FHOD3: variants seen among roughly 807,000 people sequenced by gnomAD.
The protein encoded by FHOD3 is FH1/FH2 domain-containing protein 3.
In FHOD3, 90 loss-of-function variants were observed where a neutral mutation model predicts 173.0. The ratio of observed to expected loss-of-function variants is 0.52; its 90% CI spans 0.44 to 0.62. The LOEUF (loss-of-function observed/expected upper bound fraction) is 0.62, where lower values mean the gene tolerates loss of function less well. Among genes scored for constraint, FHOD3 ranks in the 20% least tolerant of loss-of-function variants. The probability of loss-of-function intolerance (pLI) is 0.00; values close to 1 mark genes in which losing one functional copy is unlikely to be tolerated. For synonymous variants in FHOD3, 828 were observed against 823.0 expected, an observed-to-expected ratio of 1.01 and a Z score of -0.10; for missense variants, 1,945 against 2,034.7, an observed-to-expected ratio of 0.96 and a Z score of 0.85.
intron 20 of FHOD3, among the ~76,000 whole-genome samples, chr18:36,734,184 C>G (rs541495543): frequency 2.0e-5 from 3 of 152,170 alleles, no homozygotes; most frequent in Non-Finnish European, 4.4e-5. Context: ...TTTATTGCAT[C>G]GTGAGTCCTC....
At chr18:36,494,799 A>G (rs1409763035) in intron 3 of FHOD3, among the ~76,000 whole-genome samples, 1 of 152,136 alleles carries the variant, frequency 6.6e-6, no homozygotes, top group African/African-American at 2.4e-5. Flanking sequence ...TAATGACTCC[A>G]GTTTGATCTC....
chr18:36,484,768 C>T (rs1042749048), intron 3 of FHOD3, among the ~76,000 whole-genome samples: 5 of 152,116 alleles, frequency 3.3e-5, no homozygotes, highest in African/African-American at 1.2e-4. Context: ...GTGGTGAAGG[C>T]TGGGGCCCTG....
At chr18:36,705,132 T>C (rs1455453927) in intron 17 of FHOD3, among the ~76,000 whole-genome samples, 2 of 152,084 alleles carry the variant, frequency 1.3e-5, no homozygotes, top group Non-Finnish European at 2.9e-5. Flanking sequence ...AGGGCTCACC[T>C]CAGACAAAAT....
chr18:36,647,751 G>A (rs2035789136), intron 10 of FHOD3, among the ~76,000 whole-genome samples: 1 of 152,242 alleles, frequency 6.6e-6, no homozygotes, highest in Non-Finnish European at 1.5e-5. Context: ...AAGAAGGAAT[G>A]ATCTTCAAGT....
chr18:36,357,747 T>G (rs755327396), intron 2 of FHOD3, among the ~76,000 whole-genome samples: 42 of 152,218 alleles, frequency 2.8e-4, no homozygotes, highest in Non-Finnish European at 4.6e-4. Context: ...ATAGTCTAAT[T>G]GGATGACTTC....
At chr18:36,462,849 A>G (rs750354849) in intron 3 of FHOD3, among the ~76,000 whole-genome samples, 1 of 151,622 alleles carries the variant, frequency 6.6e-6, no homozygotes, top group Non-Finnish European at 1.5e-5. Context: ...TTAATCTTGA[A>G]CTCCTGGCTC....
intron 5 of FHOD3, among the ~76,000 whole-genome samples, chr18:36,525,415 C>T (rs966526964): frequency 1.3e-5 from 2 of 152,176 alleles, no homozygotes; most frequent in Non-Finnish European, 2.9e-5. Context: ...CCACAACTGA[C>T]ACCTTGATTG....
chr18:36,546,492 A>G (rs1189491388), intron 5 of FHOD3, among the ~76,000 whole-genome samples: 1 of 152,196 alleles, frequency 6.6e-6, no homozygotes, highest in African/African-American at 2.4e-5. Context: ...TTAGCGGCAT[A>G]TTAATTTTTC....
chr18:36,372,807 A>G lies in FHOD3; in HGVS notation c.337+63A>G. The G allele has an allele frequency of 2.1e-6, 3 of 1,401,168 alleles. No individual in the cohort carries two copies. In the South Asian group the frequency reaches 3.6e-5, roughly 17 times the overall value. 86.8% of individuals were successfully genotyped at this position (1,401,168 alleles called of 1,614,324 possible). A position where few individuals can be genotyped will look rare whatever the true frequency, so the allele number is the denominator to read the frequency against. The stretch of plus-strand genomic sequence containing the variant: ...GAAAGACGCGACTTATGGGAATAAA[A>G]TAAAGATTCACTGTTATGCTGTCTG... On this transcript the variant is annotated intron_variant, in intron 3 of 28. Transcript: ENST00000590592.
intron 2 of FHOD3, among the ~76,000 whole-genome samples, chr18:36,369,019 G>A (rs960321267): frequency 1.3e-5 from 2 of 152,110 alleles, no homozygotes; most frequent in African/African-American, 4.8e-5. Flanking sequence ...TCTGTAAAAA[G>A]TACTTAGAAC....
Position 36,297,957 on chromosome 18 carries a change from C to T in FHOD3, c.122C>T (p.Thr41Ile). Residue 41 changes from threonine to isoleucine, a missense_variant, in exon 1 of 29, where the codon ACC becomes ATC. Transcript: ENST00000590592. ...TTCCGCGAGGACCTCGCGCTCGGCA[C>T]CCAGCTGGCGGGGGTCCATAGGCTG... Reference protein sequence around the residue: ...FTFREDLALGTQLAGVHRLLQ... With the variant: ...FTFREDLALGIQLAGVHRLLQ... 2 of 1,566,396 alleles carry T rather than the reference C, an allele frequency of 1.3e-6. No individual in the cohort carries two copies. Among genetic ancestry groups the T allele is most frequent in the Non-Finnish European group, 1.7e-6 (2 of 1,157,500 alleles).
At chr18:36,311,375 G>C (rs1248771022) in intron 1 of FHOD3, among the ~76,000 whole-genome samples, 1 of 152,136 alleles carries the variant, frequency 6.6e-6, no homozygotes, top group Non-Finnish European at 1.5e-5. Flanking sequence ...CTTGATGTCA[G>C]ATTCTGCTGG....
chr18:36,548,600 T>G (rs2057510532), intron 5 of FHOD3, among the ~76,000 whole-genome samples: 1 of 152,184 alleles, frequency 6.6e-6, no homozygotes, highest in Non-Finnish European at 1.5e-5. Flanking sequence ...ATGCCACCCA[T>G]CCCTTCCCCA....
At chr18:36,406,390 G>A (rs1317267762) in intron 3 of FHOD3, among the ~76,000 whole-genome samples, 1 of 152,164 alleles carries the variant, frequency 6.6e-6, no homozygotes, top group African/African-American at 2.4e-5. Context: ...CCTTGTAAGA[G>A]TTTTCCTCTC....
intron 19 of FHOD3, among the ~76,000 whole-genome samples, chr18:36,728,683 G>T (rs1400353591): frequency 6.6e-6 from 1 of 152,116 alleles, no homozygotes; most frequent in Non-Finnish European, 1.5e-5. Context: ...AGTCTGGGAG[G>T]TTCCAGGAGG....
At chr18:36,776,331 G>T (rs1183628305) in intron 28 of FHOD3, among the ~76,000 whole-genome samples, 1 of 152,064 alleles carries the variant, frequency 6.6e-6, no homozygotes, top group South Asian at 2.1e-4. Context: ...AGAGGCTCAG[G>T]GTGTACATGT....
intron 14 of FHOD3, among the ~76,000 whole-genome samples, chr18:36,670,560 T>A (rs770725182): frequency 2.0e-5 from 3 of 152,256 alleles, no homozygotes; most frequent in African/African-American, 7.2e-5. Context: ...TATTTTAACA[T>A]GTTAAATATT....
At chr18:36,751,690 G>A (rs957228681) in intron 24 of FHOD3, among the ~76,000 whole-genome samples, 6 of 152,178 alleles carry the variant, frequency 3.9e-5, no homozygotes, top group African/African-American at 1.4e-4. Context: ...CATGAAGGGT[G>A]TTGAATTTTA....
At chr18:36,729,051 C>T (rs2041218166) in intron 19 of FHOD3, among the ~76,000 whole-genome samples, 2 of 152,200 alleles carry the variant, frequency 1.3e-5, no homozygotes, top group African/African-American at 4.8e-5. Context: ...TCTTTAGGGC[C>T]TAGCCCAAGG....
Sources: allele counts gnomAD v4.1 joint callset (sites outside exome capture counted in the v4.1 genomes callset), GRCh38; gene constraint gnomAD v4.1.1; transcripts MANE v1.5; gene names NCBI Gene and HGNC (gene_info 2026-07-23, HGNC 2026-07-21).